The following CDH13 variants were observed in gnomAD, a reference collection of about 807,000 sequenced individuals.
CDH13 encodes the protein cadherin 13.
A neutral mutation model predicts 63.8 loss-of-function variants in CDH13; 24 were observed. The ratio of observed to expected loss-of-function variants is 0.38; its 90% CI spans 0.27 to 0.53. CDH13 has a LOEUF of 0.53. Ranked by LOEUF, CDH13 falls within the 20% of genes least tolerant of loss-of-function variation. The pLI is 0.85. For synonymous variants in CDH13, 503 were observed against 355.3 expected (o/e 1.42, Z -4.67); for missense variants, 1,049 against 903.1 (o/e 1.16, Z -2.07).
intron 5 of CDH13, among the ~76,000 whole-genome samples, chr16:83,226,287 T>C (rs1264265570): frequency 6.6e-6 from 1 of 152,224 alleles, no homozygotes; most frequent in Non-Finnish European, 1.5e-5. Flanking sequence ...GCTACATACC[T>C]GGATTAGACT....
rs1491306206 is a variant in CDH13, at chr16:83,142,159, T to TG, written c.483+16659dup. 4.7e-5 allele frequency among the ~76,000 whole-genome samples: 6 copies of TG among 126,798 alleles called. No individual in the cohort carries two copies. The Admixed American group carries it at 5.3e-4, about 11-fold the overall frequency. The allele number at this position is 126,798 out of a possible 152,430, so 83.2% of individuals were successfully genotyped here. ...TGAACCATTTTTGTTTGTTTGTTTT[T>TG]GTTTTTTTTTTTTTTTTTTTGAAAT... On this transcript the variant is annotated intron_variant, in intron 4 of 13. Coordinates refer to ENST00000567109, the MANE Select transcript of CDH13 (RefSeq NM_001257.5).
intron 6 of CDH13, among the ~76,000 whole-genome samples, chr16:83,345,717 C>G (rs1308124475): frequency 5.9e-5 from 9 of 152,052 alleles, no homozygotes; most frequent in Non-Finnish European, 1.3e-4. Flanking sequence ...AAGTATAATG[C>G]TTGAGAAAAT....
intron 4 of CDH13, among the ~76,000 whole-genome samples, chr16:83,152,919 C>G (rs552255008): frequency 2.6e-4 from 40 of 152,240 alleles, no homozygotes; most frequent in African/African-American, 9.4e-4. Context: ...AGAAAGAACA[C>G]TGTGTGAGCA....
chr16:83,131,357 A>C (rs888822646), intron 4 of CDH13, among the ~76,000 whole-genome samples: 1 of 152,212 alleles, frequency 6.6e-6, no homozygotes, highest in African/African-American at 2.4e-5. Context: ...AGTCGTGAAC[A>C]TACTTGCTCA....
At chr16:83,180,756 T>C (rs760063116) in intron 4 of CDH13, 2 of 726,574 alleles carry the variant, frequency 2.8e-6, no homozygotes, top group Admixed American at 2.5e-5. Flanking sequence ...CTCTAGGTAA[T>C]GTTCTTTAAG....
chr16:83,113,235 G>A (rs1229259297), intron 3 of CDH13, among the ~76,000 whole-genome samples: 1 of 152,198 alleles, frequency 6.6e-6, no homozygotes, highest in Non-Finnish European at 1.5e-5. Context: ...ATCCAACTGA[G>A]AGTGGCAGCT....
intron 8 of CDH13, among the ~76,000 whole-genome samples, chr16:83,656,555 C>G (rs1912888618): frequency 6.6e-6 from 1 of 152,100 alleles, no homozygotes; most frequent in Non-Finnish European, 1.5e-5. Flanking sequence ...TGCCATTGCC[C>G]AAGCTGGGAC....
intron 1 of CDH13, among the ~76,000 whole-genome samples, chr16:82,706,728 C>A (rs2031523873): frequency 6.6e-6 from 1 of 151,752 alleles, no homozygotes; most frequent in Non-Finnish European, 1.5e-5. Context: ...TGGTTGAACC[C>A]AGGAGACGGA....
At chr16:83,347,191 C>A (rs116232869) in intron 6 of CDH13, among the ~76,000 whole-genome samples, 3,180 of 152,284 alleles carry the variant, frequency 0.021, 40 homozygotes, top group East Asian at 0.05. Context: ...TTTCCAACCT[C>A]TTCTTCAACT....
At chr16:83,273,721 G>C (rs959095418) in intron 5 of CDH13, among the ~76,000 whole-genome samples, 5 of 152,168 alleles carry the variant, frequency 3.3e-5, no homozygotes, top group African/African-American at 1.2e-4. Context: ...ACTGTTTGTT[G>C]ATCTCTTGTG....
chr16:83,781,178 T>C (rs931606121), intron 12 of CDH13, among the ~76,000 whole-genome samples: 5 of 152,208 alleles, frequency 3.3e-5, no homozygotes, highest in Non-Finnish European at 7.3e-5. Context: ...ATTCAAAACT[T>C]AACCCAACTT....
intron 10 of CDH13, among the ~76,000 whole-genome samples, chr16:83,689,814 C>A (rs1445841607): frequency 1.3e-5 from 2 of 152,202 alleles, no homozygotes; most frequent in African/African-American, 2.4e-5. Flanking sequence ...CCTCTCTCTC[C>A]ATTCATTCAT....
intron 6 of CDH13, among the ~76,000 whole-genome samples, chr16:83,447,179 G>A (rs1443531243): frequency 7.1e-6 from 1 of 140,526 alleles, no homozygotes; most frequent in Non-Finnish European, 1.5e-5. Context: ...CTTTGGGAGG[G>A]CGAGGCAGAT....
At chr16:83,479,991 A>C (rs1270129778) in intron 6 of CDH13, among the ~76,000 whole-genome samples, 1 of 152,220 alleles carries the variant, frequency 6.6e-6, no homozygotes, top group Non-Finnish European at 1.5e-5. Context: ...TGATTCACTC[A>C]ATGCCTCCAA....
At chr16:83,112,577 G>T (rs2035109442) in intron 3 of CDH13, among the ~76,000 whole-genome samples, 2 of 152,146 alleles carry the variant, frequency 1.3e-5, no homozygotes, top group African/African-American at 4.8e-5. Context: ...CTCTTGATGG[G>T]TAATGTGGTT....
At chr16:83,135,763 T>G (rs545753208) in intron 4 of CDH13, among the ~76,000 whole-genome samples, 2 of 152,326 alleles carry the variant, frequency 1.3e-5, no homozygotes, top group African/African-American at 4.8e-5. Flanking sequence ...TGCAAAATCA[T>G]GTAACCAAAT....
intron 5 of CDH13, among the ~76,000 whole-genome samples, chr16:83,299,644 A>T (rs749000625): frequency 6.6e-6 from 1 of 152,222 alleles, no homozygotes; most frequent in Non-Finnish European, 1.5e-5. Flanking sequence ...AGCATCTCTT[A>T]ACCTCCTCTC....
In CDH13 at chr16:83,419,470, A is replaced by G. The variant is rs529302837; in HGVS notation, c.782-67007A>G. Among the ~76,000 whole-genome samples, 244 of 152,326 alleles carry G rather than the reference A, an allele frequency of 1.6e-3. 1 individual carries two copies. Among genetic ancestry groups the G allele is most frequent in the Middle Eastern group, 0.01 (3 of 294 alleles). On this transcript the variant is annotated intron_variant, in intron 6 of 13. Transcript: ENST00000567109. ...CTCAGCCACCAATAAGTTACCTTCT[A>G]CTTTTACATCCTTAGATCAGGAGTA...
At position 83,421,608 on chromosome 16, in the gene CDH13, T is replaced by C. The variant is rs1009327595; in HGVS notation, c.782-64869T>C. 2.6e-5 allele frequency among the ~76,000 whole-genome samples: 4 copies of C among 152,286 alleles called. 1 individual carries two copies. The East Asian group carries it at 7.7e-4, about 29-fold the overall frequency. On this transcript the variant is annotated intron_variant, in intron 6 of 13. Coordinates refer to ENST00000567109, the MANE Select transcript of CDH13 (RefSeq NM_001257.5). ...TTCTTCCATCAGGAAAGAAAATCCT[T>C]TCCAGAAGTTCCTATAGACTTCTTA...
Sources: gnomAD v4.1 joint callset for allele counts (sites outside exome capture counted in the v4.1 genomes callset) on GRCh38, gnomAD v4.1.1 for gene constraint, MANE v1.5 for transcripts, NCBI Gene and HGNC (gene_info 2026-07-23, HGNC 2026-07-21) for gene names.